Variants in MOSMO observed in about 807,000 individuals in gnomAD.
MOSMO encodes the protein modulator of smoothened, also known as modulator of smoothened protein.
Under a neutral mutation model 18.4 loss-of-function variants are expected in MOSMO, and 5 were observed. That is an observed-to-expected ratio of 0.27 (90% CI 0.14 to 0.57). The LOEUF is 0.57. Among genes scored for constraint, MOSMO ranks in the 20% least tolerant of loss-of-function variants. MOSMO has a pLI of 0.92. For synonymous variants in MOSMO, 82 were observed against 82.3 expected, an observed-to-expected ratio of 1.00 and a Z score of 0.02; for missense variants, 138 against 211.8, an observed-to-expected ratio of 0.65 and a Z score of 2.16.
intron 1 of MOSMO, among the ~76,000 whole-genome samples, chr16:22,052,623 GAATA>G (rs1457731263): frequency 2.0e-5 from 3 of 152,030 alleles, no homozygotes; most frequent in Non-Finnish European, 2.9e-5. Flanking sequence ...GTCCAGAGTA[GAATA>G]AATAAATGTT....
chr16:22,031,244 C>A lies in MOSMO; in HGVS notation c.106+22837C>A, dbSNP rs144040222. ...ATATTACATGTAGGGGTCCTGGAAG[C>A]TCAGTGTAACAGGAGGAGTTTGAGG... On this transcript the variant is annotated intron_variant, in intron 1 of 2. Transcript: ENST00000542527. 2.4e-3 allele frequency among the ~76,000 whole-genome samples: 367 copies of A among 152,256 alleles called. 1 individual carries two copies. The highest frequency in any genetic ancestry group is 8.2e-3 in the African/African-American group (341 of 41,574).
intron 1 of MOSMO, among the ~76,000 whole-genome samples, chr16:22,042,779 T>A (rs563499230): frequency 4.6e-5 from 7 of 152,286 alleles, no homozygotes; most frequent in African/African-American, 1.7e-4. Flanking sequence ...GGGAGTCCGT[T>A]CAGATGAAGA....
intron 1 of MOSMO, among the ~76,000 whole-genome samples, chr16:22,070,799 C>T (rs770220698): frequency 6.6e-6 from 1 of 152,130 alleles, no homozygotes; most frequent in Non-Finnish European, 1.5e-5. Context: ...TTAAGTTACC[C>T]GTAGGCTGTT....
chr16:22,043,266 G>C (rs1900244137), intron 1 of MOSMO, among the ~76,000 whole-genome samples: 1 of 152,148 alleles, frequency 6.6e-6, no homozygotes, highest in Non-Finnish European at 1.5e-5. Flanking sequence ...ATTATGAATA[G>C]CAAGAATTTT....
In MOSMO at chr16:22,008,313, G is replaced by A; in HGVS notation, c.12G>A (p.Leu4=). MDK[L]TIISGCLFLA... ...AGCGGGGCGGGGAGATGGATAAACT[G>A]ACCATCATCTCAGGATGTCTCTTTC... is the stretch of plus-strand genomic sequence containing the variant. Residue 4 remains leucine (L), a synonymous_variant, in exon 1 of 3, where the codon CTG becomes CTA. Coordinates refer to ENST00000542527, the MANE Select transcript of MOSMO (RefSeq NM_001164579.2). 1 of 1,529,842 alleles carries A rather than the reference G, an allele frequency of 6.5e-7. No homozygotes were observed. Among genetic ancestry groups the A allele is most frequent in the South Asian group, 1.2e-5 (1 of 83,632 alleles). 94.8% of individuals were successfully genotyped at this position (1,529,842 alleles called of 1,614,324 possible).
At chr16:22,021,154 C>A (rs1899754292) in intron 1 of MOSMO, among the ~76,000 whole-genome samples, 1 of 152,174 alleles carries the variant, frequency 6.6e-6, no homozygotes, top group Non-Finnish European at 1.5e-5. Flanking sequence ...ATCCAATGTT[C>A]CTCATCTGAG....
intron 1 of MOSMO, among the ~76,000 whole-genome samples, chr16:22,023,291 A>T (rs1339442234): frequency 6.6e-6 from 1 of 152,176 alleles, no homozygotes; most frequent in African/African-American, 2.4e-5. Flanking sequence ...ATATAGGACT[A>T]ATCCTAGAAA....
downstream of MOSMO, chr16:22,085,191 TAATAA>T (rs1178476806): frequency 6.6e-6 from 1 of 152,216 alleles, no homozygotes; most frequent in Non-Finnish European, 1.5e-5. Context: ...CGAATAATAA[TAATAA>T]AATATTTACA....
At chr16:22,042,043 G>A (rs745435286) in intron 1 of MOSMO, among the ~76,000 whole-genome samples, 1 of 152,098 alleles carries the variant, frequency 6.6e-6, no homozygotes, top group African/African-American at 2.4e-5. Context: ...TGAGATGTTC[G>A]GAACTGAGTT....
At chr16:22,079,980 C>T (rs1195152234) in intron 2 of MOSMO, among the ~76,000 whole-genome samples, 1 of 152,134 alleles carries the variant, frequency 6.6e-6, no homozygotes, top group Non-Finnish European at 1.5e-5. Flanking sequence ...GACAGGGTTT[C>T]ACCATGTTGG....
chr16:22,051,565 C>T (rs1219695896), intron 1 of MOSMO, among the ~76,000 whole-genome samples: 3 of 152,106 alleles, frequency 2.0e-5, no homozygotes, highest in Non-Finnish European at 1.5e-5. Context: ...CCAACAACAG[C>T]TCCATGCCCC....
chr16:22,042,699 A>G (rs566063931), intron 1 of MOSMO, among the ~76,000 whole-genome samples: 2 of 152,214 alleles, frequency 1.3e-5, no homozygotes, highest in Non-Finnish European at 1.5e-5. Flanking sequence ...GCTGTCACCA[A>G]GCGAATTCAG....
At chr16:22,068,991 A>G (rs561846988) in intron 1 of MOSMO, among the ~76,000 whole-genome samples, 3 of 152,282 alleles carry the variant, frequency 2.0e-5, no homozygotes, top group South Asian at 2.1e-4. Flanking sequence ...TGCAGATGCT[A>G]TCCACAAGGT....
intron 1 of MOSMO, among the ~76,000 whole-genome samples, chr16:22,060,828 G>A (rs1487029848): frequency 6.6e-6 from 1 of 151,842 alleles, no homozygotes; most frequent in East Asian, 1.9e-4. Flanking sequence ...AGCCGAGATC[G>A]CATCATTGCA....
chr16:22,052,686 T>C (rs1900449864), intron 1 of MOSMO, among the ~76,000 whole-genome samples: 1 of 152,058 alleles, frequency 6.6e-6, no homozygotes, highest in African/African-American at 2.4e-5. Flanking sequence ...ACAATCTGAA[T>C]CTTAAACAGT....
chr16:22,083,610 T>C lies in MOSMO; in HGVS notation c.*2730T>C, dbSNP rs1901120649. 1 of 448,690 alleles carries C rather than the reference T, an allele frequency of 2.2e-6. No homozygotes were observed. The highest frequency in any genetic ancestry group is 4.4e-6 in the Non-Finnish European group (1 of 225,304). 27.8% of individuals were successfully genotyped at this position (448,690 alleles called of 1,614,324 possible). On this transcript the variant is annotated 3_prime_UTR_variant, in exon 3 of 3. Coordinates refer to ENST00000542527, the MANE Select transcript of MOSMO (RefSeq NM_001164579.2). ...TAGCAGGAAATCGTATCTTGTAAAC[T>C]GTATATAAAACACTGTTTTATGGTG...
intron 1 of MOSMO, among the ~76,000 whole-genome samples, chr16:22,056,273 C>A (rs1166782008): frequency 6.6e-6 from 1 of 151,750 alleles, no homozygotes; most frequent in African/African-American, 2.4e-5. Flanking sequence ...CTGCCACTGA[C>A]GCCTGAGTTC....
intron 1 of MOSMO, among the ~76,000 whole-genome samples, chr16:22,051,395 A>AG (rs1273961340): frequency 6.6e-6 from 1 of 152,126 alleles, no homozygotes; most frequent in African/African-American, 2.4e-5. Context: ...CCAAAAAAAA[A>AG]AGGACTCTAC....
At chr16:22,086,382 C>G (rs996803805), downstream of MOSMO, among the ~76,000 whole-genome samples, 1 of 152,174 alleles carries the variant, frequency 6.6e-6, no homozygotes, top group African/African-American at 2.4e-5. Context: ...AGCCTGTTCT[C>G]CATTCTAGAT....
Sources: allele counts gnomAD v4.1 joint callset (sites outside exome capture counted in the v4.1 genomes callset), GRCh38; gene constraint gnomAD v4.1.1; transcripts MANE v1.5; gene names NCBI Gene and HGNC (gene_info 2026-07-23, HGNC 2026-07-21).